ARHGAP25: variants seen among roughly 807,000 people sequenced by gnomAD.
The protein encoded by ARHGAP25 is Rho GTPase activating protein 25.
A neutral mutation model predicts 71.0 loss-of-function variants in ARHGAP25; 34 were observed. The observed-to-expected ratio is 0.48, with a 90% confidence interval of 0.36 to 0.64. The LOEUF (loss-of-function observed/expected upper bound fraction) is 0.64. Ranked by LOEUF, ARHGAP25 falls within the 30% of genes least tolerant of loss-of-function variation. The probability of loss-of-function intolerance (pLI) is 0.00; values close to 1 mark genes in which losing one functional copy is unlikely to be tolerated. For synonymous variants in ARHGAP25, 282 were observed against 296.5 expected (o/e 0.95, Z 0.50); for missense variants, 706 against 805.1 (o/e 0.88, Z 1.49).
At chr2:68,817,744 C>G in intron 7 of ARHGAP25, 129 bp from the exon 8 acceptor site, 1 of 1,151,908 alleles carries the variant, frequency 8.7e-7, no homozygotes, top group Non-Finnish European at 1.2e-6. Flanking sequence ...GTGGGCAGAG[C>G]AGGCTGGTCT....
chr2:68,815,378 T>A (rs1395849873), intron 6 of ARHGAP25, among the ~76,000 whole-genome samples: 1 of 151,686 alleles, frequency 6.6e-6, no homozygotes, highest in African/African-American at 2.4e-5. Context: ...GAGGGTGCGT[T>A]TTCTGCAGGA....
rs1681335938 is a variant in ARHGAP25 at position 68,817,732 on chromosome 2, T to C, written c.882-141T>C. On this transcript the variant is annotated intron_variant, in intron 7 of 10. Transcript: ENST00000409202. Reference sequence around the variant, plus strand: ...GGTCTTTCAGGATGAGGCTAAATTCTTGTGGGCAGAGCAGGCTGGTCTCAT... The same window carrying C: ...GGTCTTTCAGGATGAGGCTAAATTCCTGTGGGCAGAGCAGGCTGGTCTCAT... 2.8e-6 allele frequency: 3 copies of C among 1,061,052 alleles called. No homozygotes were observed. The East Asian group carries it at 8.1e-5, about 29-fold the overall frequency. The allele number at this position is 1,061,052 out of a possible 1,614,324, so 65.7% of individuals were successfully genotyped here. A position where few individuals can be genotyped will look rare whatever the true frequency, so the allele number is the denominator to read the frequency against.
In ARHGAP25 at chr2:68,767,733, A is replaced by C. The variant is rs893959166; in HGVS notation, c.62-7488A>C. Among the ~76,000 whole-genome samples the C allele has an allele frequency of 6.6e-6, 1 of 152,176 alleles. No homozygotes were observed. Among genetic ancestry groups the C allele is most frequent in the African/African-American group, 2.4e-5 (1 of 41,434 alleles). On this transcript the variant is annotated intron_variant, in intron 1 of 10. Coordinates refer to ENST00000409202, the MANE Select transcript of ARHGAP25 (RefSeq NM_001007231.3). This position sits in a 1 kb window ranked among gnomAD's most constrained non-coding sequence, Gnocchi z 4.6. ...ATGTCCGTTTTCTTGTTGGGGTATC[A>C]GCACAGCCTCAGTGGTGGGCTTGAG...
rs910572641 is a variant in ARHGAP25, at chr2:68,775,411, G to T, written c.252G>T (p.Thr84=). Residue 84 remains threonine (T), a synonymous_variant, in exon 2 of 11, where the codon ACG becomes ACT. Transcript: ENST00000409202. ...ACTACTACAAGGATGAAGAGGACAC[G>T]AAGCCCCAGGTACCAGCCAGGCTGT... ...QLYYYKDEED[T]KPQGCMYLPG... is the part of the protein sequence containing the mutation. 2.5e-6 allele frequency: 4 copies of T among 1,614,132 alleles called. No homozygotes were observed. In the African/African-American group the frequency reaches 5.3e-5, roughly 22 times the overall value.
chr2:68,800,209 T>G (rs1162203954), intron 4 of ARHGAP25, among the ~76,000 whole-genome samples: 1 of 150,304 alleles, frequency 6.7e-6, no homozygotes, highest in African/African-American at 2.5e-5. Context: ...GGTGGGGAGC[T>G]CTCCCTGAGG....
intron 1 of ARHGAP25, among the ~76,000 whole-genome samples, chr2:68,742,320 T>A (rs1675561938): frequency 1.3e-5 from 2 of 152,216 alleles, no homozygotes; most frequent in African/African-American, 4.8e-5. Flanking sequence ...TTTAAAATAA[T>A]TTTATAAAGT....
intron 3 of ARHGAP25, among the ~76,000 whole-genome samples, chr2:68,785,553 G>T (rs973860157): frequency 6.6e-6 from 1 of 151,618 alleles, no homozygotes; most frequent in African/African-American, 2.4e-5. Context: ...TCGGGGGTTT[G>T]GGGGTAAGGG....
intron 4 of ARHGAP25, among the ~76,000 whole-genome samples, chr2:68,793,093 A>G (rs1023565199): frequency 6.6e-6 from 1 of 152,054 alleles, no homozygotes; most frequent in Non-Finnish European, 1.5e-5. Flanking sequence ...TTGTCTGCTC[A>G]TGTCCTTTAC....
chr2:68,810,226 A>G (rs1016018818), intron 5 of ARHGAP25, among the ~76,000 whole-genome samples: 17 of 152,332 alleles, frequency 1.1e-4, no homozygotes, highest in Non-Finnish European at 1.6e-4. Flanking sequence ...AGACCATAAA[A>G]TAGACATCTG....
chr2:68,713,514 C>T (rs914366702), intron 2 of ARHGAP25, among the ~76,000 whole-genome samples: 3 of 152,164 alleles, frequency 2.0e-5, no homozygotes, highest in Admixed American at 6.6e-5. Flanking sequence ...ATTGCCCTGG[C>T]CAGAACCTCC....
At chr2:68,766,808 TTC>T (rs970842471) in intron 1 of ARHGAP25, among the ~76,000 whole-genome samples, 20 of 151,996 alleles carry the variant, frequency 1.3e-4, no homozygotes, top group Admixed American at 2.0e-4. Context: ...CTCTCTCTTT[TTC>T]TCTCTCTCAC....
At chr2:68,768,678 G>A (rs112772775) in intron 1 of ARHGAP25, among the ~76,000 whole-genome samples, 31 of 152,050 alleles carry the variant, frequency 2.0e-4, no homozygotes, top group African/African-American at 7.5e-4. Context: ...AGATTTTCAC[G>A]TCACTCAAAT....
In ARHGAP25 at chr2:68,735,543, A is replaced by T. The variant is rs933887147; in HGVS notation, c.61+283A>T. 4 of 517,070 alleles carry T rather than the reference A, an allele frequency of 7.7e-6. No homozygotes were observed. The African/African-American group carries it at 7.8e-5, about 10-fold the overall frequency. The allele number at this position is 517,070 out of a possible 1,614,324, so 32.0% of individuals were successfully genotyped here. ...GCTACAGACTACACACAAAACTGTGAGTTTTTAGCATATTCCATTTCCTTC... is the reference window on the plus strand; with the variant it reads ...GCTACAGACTACACACAAAACTGTGTGTTTTTAGCATATTCCATTTCCTTC... On this transcript the variant is annotated intron_variant, in intron 1 of 10. Transcript: ENST00000409202.
chr2:68,803,845 C>T (rs1295495918), intron 4 of ARHGAP25, among the ~76,000 whole-genome samples: 3 of 152,012 alleles, frequency 2.0e-5, no homozygotes, highest in East Asian at 1.9e-4. Context: ...CCAAGATCAC[C>T]TGTTGAGACA....
At position 68,775,386 on chromosome 2, in the gene ARHGAP25, A is replaced by G. The variant is rs756166517; in HGVS notation, c.227A>G (p.Tyr76Cys). The G allele has an allele frequency of 1.1e-5, 17 of 1,614,084 alleles. No homozygotes were observed. The highest frequency in any genetic ancestry group is 8.8e-5 in the South Asian group (8 of 91,092). The change falls in exon 2 of 11, where the codon TAC (tyrosine) becomes TGC (cysteine). Residue 76 changes from tyrosine to cysteine, a missense_variant. By Grantham distance (194) the Tyr-to-Cys change is radical (BLOSUM62 -2). Transcript: ENST00000409202. ...TTTGTGCTGAGGGCGCAGCAGCTCT[A>G]CTACTACAAGGATGAAGAGGACACG... ...RYFVLRAQQL[Y>C]YYKDEEDTKP...
chr2:68,805,741 G>T (rs1336030892), intron 4 of ARHGAP25, among the ~76,000 whole-genome samples: 1 of 152,140 alleles, frequency 6.6e-6, no homozygotes, highest in Non-Finnish European at 1.5e-5. Flanking sequence ...GCTCTATACA[G>T]GTGGAATCCA....
intron 10 of ARHGAP25, among the ~76,000 whole-genome samples, chr2:68,824,217 A>C (rs2103738545): frequency 6.6e-6 from 1 of 152,260 alleles, no homozygotes; most frequent in South Asian, 2.1e-4. Context: ...CTGCCCTCAC[A>C]TATGAGTATC....
chr2:68,808,882 T>C (rs1680570729), intron 5 of ARHGAP25, among the ~76,000 whole-genome samples: 1 of 152,146 alleles, frequency 6.6e-6, no homozygotes, highest in South Asian at 2.1e-4. Context: ...GGTGGTGGTG[T>C]GGGAATCTTT....
chr2:68,798,537 C>A (rs1679739860), intron 4 of ARHGAP25, among the ~76,000 whole-genome samples: 1 of 148,976 alleles, frequency 6.7e-6, no homozygotes, highest in Admixed American at 6.7e-5. Flanking sequence ...AAGCCAAAGT[C>A]TTTTCTCTCA....
Sources: gnomAD v4.1 joint callset for allele counts (sites outside exome capture counted in the v4.1 genomes callset) on GRCh38, gnomAD v4.1.1 for gene constraint, Gnocchi (gnomAD v3.1) non-coding constraint, MANE v1.5 for transcripts, NCBI Gene and HGNC (gene_info 2026-07-23, HGNC 2026-07-21) for gene names.